The following PLPPR1 variants were observed in gnomAD, a reference collection of about 807,000 sequenced individuals.
PLPPR1 encodes phospholipid phosphatase related 1, also known as phospholipid phosphatase-related protein type 1.
Under a neutral mutation model 33.1 loss-of-function variants are expected in PLPPR1, and 10 were observed. The observed-to-expected ratio is 0.30, with a 90% CI of 0.19 to 0.51. The LOEUF (loss-of-function observed/expected upper bound fraction) is 0.51. Among genes scored for constraint, PLPPR1 ranks in the 20% least tolerant of loss-of-function variants. The pLI is 0.97. For missense variants in PLPPR1, 304 were observed against 408.1 expected, an observed-to-expected ratio of 0.74 and a Z score of 2.20; for synonymous variants, 151 against 151.0, an observed-to-expected ratio of 1.00 and a Z score of 0.00.
intron 1 of PLPPR1, among the ~76,000 whole-genome samples, chr9:101,035,608 ATG>A (rs1444990354): frequency 6.6e-6 from 1 of 151,982 alleles, no homozygotes; most frequent in Non-Finnish European, 1.5e-5. Context: ...TTCTCTTTCT[ATG>A]TGTTTCAGTA....
At chr9:101,252,363 C>A (rs1332250534) in intron 2 of PLPPR1, among the ~76,000 whole-genome samples, 1 of 152,090 alleles carries the variant, frequency 6.6e-6, no homozygotes, top group Non-Finnish European at 1.5e-5. Flanking sequence ...TAATTGGCTT[C>A]ATTTAGATGC....
At chr9:101,076,173 G>A (rs770841056) in intron 1 of PLPPR1, among the ~76,000 whole-genome samples, 4 of 152,034 alleles carry the variant, frequency 2.6e-5, no homozygotes, top group Admixed American at 1.3e-4. Context: ...CAGACACTCT[G>A]GGGTGGGGCC....
At chr9:101,128,953 C>T (rs1831281404) in intron 1 of PLPPR1, among the ~76,000 whole-genome samples, 1 of 152,144 alleles carries the variant, frequency 6.6e-6, no homozygotes, top group African/African-American at 2.4e-5. Flanking sequence ...ACCTGACCAA[C>T]TATACTTAAT....
chr9:101,293,180 C>T (rs1268173373), intron 4 of PLPPR1, among the ~76,000 whole-genome samples: 1 of 151,266 alleles, frequency 6.6e-6, no homozygotes, highest in African/African-American at 2.5e-5. Context: ...AGACTGTAAA[C>T]CAACAAAGAT....
At chr9:101,131,696 G>A (rs532560013) in intron 1 of PLPPR1, 10 of 152,306 alleles carry the variant, frequency 6.6e-5, no homozygotes, top group Admixed American at 2.0e-4. Context: ...TCTGAGAAAG[G>A]TACATATTGT....
At chr9:101,315,327 G>C (rs1020383493) in intron 6 of PLPPR1, among the ~76,000 whole-genome samples, 1 of 152,134 alleles carries the variant, frequency 6.6e-6, no homozygotes, top group African/African-American at 2.4e-5. Context: ...GTTTCAAAGG[G>C]AGATCAATGG....
intron 2 of PLPPR1, among the ~76,000 whole-genome samples, chr9:101,219,992 G>A (rs1032663733): frequency 5.3e-5 from 8 of 152,156 alleles, no homozygotes; most frequent in African/African-American, 1.9e-4. Context: ...AATAATGGAA[G>A]CCTCAACTGG....
Position 101,296,887 on chromosome 9 carries a change from G to A in PLPPR1, c.385+10651G>A, listed in dbSNP as rs1219958371. On this transcript the variant is annotated intron_variant, in intron 4 of 7. Coordinates refer to ENST00000374874, the MANE Select transcript of PLPPR1 (RefSeq NM_207299.2). Reference sequence around the variant, plus strand: ...GGTGCGGCACACCAGCATGTCACATGTATACATATGTAACTAACCTGCACA... The same window carrying A: ...GGTGCGGCACACCAGCATGTCACATATATACATATGTAACTAACCTGCACA... 2.0e-5 allele frequency among the ~76,000 whole-genome samples: 3 copies of A among 151,874 alleles called. No homozygotes were observed. In the East Asian group the frequency reaches 5.8e-4, roughly 29 times the overall value.
At chr9:101,209,954 ATGT>A (rs1253541940) in intron 2 of PLPPR1, among the ~76,000 whole-genome samples, 1 of 152,220 alleles carries the variant, frequency 6.6e-6, no homozygotes, top group East Asian at 1.9e-4. Context: ...CCCAGGAATA[ATGT>A]TGTCTTAGAT....
At chr9:101,099,964 T>C (rs2118550747) in intron 1 of PLPPR1, among the ~76,000 whole-genome samples, 1 of 152,244 alleles carries the variant, frequency 6.6e-6, no homozygotes, top group East Asian at 1.9e-4. Context: ...CTGATGATTA[T>C]TTTTTCTCAG....
intron 3 of PLPPR1, among the ~76,000 whole-genome samples, chr9:101,274,756 C>T (rs1432992359): frequency 6.6e-6 from 1 of 152,140 alleles, no homozygotes; most frequent in Non-Finnish European, 1.5e-5. Context: ...ACTCTCCTCA[C>T]AATGCAGTCA....
At position 101,324,812 on chromosome 9, in the gene PLPPR1, G is replaced by C. The variant is rs1437403230; in HGVS notation, c.*755G>C. ...CCTCCCCTGTCAACTCAACAGTTTT[G>C]TATCTCATATTATATGGACTTTATA... On this transcript the variant is annotated 3_prime_UTR_variant, in exon 8 of 8. Transcript: ENST00000374874. 6.6e-6 allele frequency: 1 copy of C among 152,476 alleles called. No homozygotes were observed. Among genetic ancestry groups the C allele is most frequent in the African/African-American group, 2.4e-5 (1 of 41,398 alleles). The allele number at this position is 152,476 out of a possible 1,614,324, so 9.4% of individuals were successfully genotyped here.
chr9:101,190,841 C>T (rs546688765), intron 2 of PLPPR1, among the ~76,000 whole-genome samples: 1 of 152,112 alleles, frequency 6.6e-6, no homozygotes, highest in East Asian at 1.9e-4. Flanking sequence ...TACAAGAGCA[C>T]CTACAGGGAA....
intron 3 of PLPPR1, among the ~76,000 whole-genome samples, chr9:101,278,048 C>A (rs1828229542): frequency 6.6e-6 from 1 of 152,180 alleles, no homozygotes; most frequent in African/African-American, 2.4e-5. Flanking sequence ...ACAGCAAAAA[C>A]TTTGATATCA....
At chr9:101,301,852 G>A (rs935254075) in intron 4 of PLPPR1, among the ~76,000 whole-genome samples, 1 of 152,168 alleles carries the variant, frequency 6.6e-6, no homozygotes, top group Admixed American at 6.5e-5. Context: ...CTACAAAATT[G>A]AAGAATTCGT....
At chr9:101,060,830 T>G (rs57999796) in intron 1 of PLPPR1, among the ~76,000 whole-genome samples, 252 of 152,032 alleles carry the variant, frequency 1.7e-3, no homozygotes, top group African/African-American at 5.9e-3. Context: ...AAATTTCCCT[T>G]TGTGAATTTT....
At chr9:101,277,445 C>T (rs1828217339) in intron 3 of PLPPR1, among the ~76,000 whole-genome samples, 1 of 152,106 alleles carries the variant, frequency 6.6e-6, no homozygotes, top group African/African-American at 2.4e-5. Context: ...GGTGAAGGCC[C>T]ATGGGATTGT....
At chr9:101,116,380 A>G (rs1378370757) in intron 1 of PLPPR1, among the ~76,000 whole-genome samples, 1 of 152,206 alleles carries the variant, frequency 6.6e-6, no homozygotes, top group Non-Finnish European at 1.5e-5. Context: ...TTTTGTCCAC[A>G]TATTGGAATC....
At chr9:101,256,975 ACTGT>A (rs1374679657) in intron 2 of PLPPR1, among the ~76,000 whole-genome samples, 1 of 152,064 alleles carries the variant, frequency 6.6e-6, no homozygotes, top group African/African-American at 2.4e-5. Context: ...CAGTTCAGAA[ACTGT>A]CTGCATTTCC....
Sources: gnomAD v4.1 joint callset for allele counts (sites outside exome capture counted in the v4.1 genomes callset) on GRCh38, gnomAD v4.1.1 for gene constraint, MANE v1.5 for transcripts, NCBI Gene and HGNC (gene_info 2026-07-23, HGNC 2026-07-21) for gene names.